Variants in NEO1 observed in about 807,000 individuals in gnomAD.
NEO1 encodes the protein neogenin.
In NEO1, 63 loss-of-function variants were observed where a neutral mutation model predicts 159.7. That is an observed-to-expected ratio of 0.39 (90% CI 0.32 to 0.49). The LOEUF is 0.49. Ranked by LOEUF, NEO1 falls within the 20% of genes least tolerant of loss-of-function variation. The pLI is 0.85. For missense variants in NEO1, 1,615 were observed against 1,831.0 expected (o/e 0.88, Z 2.15); for synonymous variants, 633 against 662.0 (o/e 0.96, Z 0.67).
chr15:73,151,999 C>T (rs955153490), intron 5 of NEO1, among the ~76,000 whole-genome samples: 3 of 152,064 alleles, frequency 2.0e-5, no homozygotes, highest in South Asian at 2.1e-4. Context: ...ATTGAATTTG[C>T]CTATTGTATT....
In NEO1 at chr15:73,283,059, G is replaced by A; in HGVS notation, c.3358G>A (p.Val1120Ile). Residue 1120 changes from valine (V) to isoleucine (I), a missense_variant, in exon 23 of 29, where the codon GTT becomes ATT. By Grantham distance (29) the Val-to-Ile change is conservative. Transcript: ENST00000261908. The part of the protein sequence containing the change: ...VSVGVITIVV[V>I]VIIAVFCTRR... ...TGTTGGCGTCATCACCATCGTGGTGGTTGTGATTATCGCTGTCTTTTGTAC... is the reference window on the plus strand; with the variant it reads ...TGTTGGCGTCATCACCATCGTGGTGATTGTGATTATCGCTGTCTTTTGTAC... The A allele has an allele frequency of 6.2e-7, 1 of 1,614,182 alleles. No homozygotes were observed. Among genetic ancestry groups the A allele is most frequent in the Non-Finnish European group, 8.5e-7 (1 of 1,180,048 alleles).
At position 73,260,261 on chromosome 15, in the gene NEO1, T is replaced by A. The variant is rs760334002; in HGVS notation, c.2204-10T>A. 5.0e-6 allele frequency: 8 copies of A among 1,609,670 alleles called. No homozygotes were observed. The East Asian group carries it at 1.6e-4, about 31-fold the overall frequency. ...ATATCTCATCTTGCTTTTCCACTTTTCCTTCCCAGAAACTCGTGTTCCTGA... is the reference window on the plus strand; with the variant it reads ...ATATCTCATCTTGCTTTTCCACTTTACCTTCCCAGAAACTCGTGTTCCTGA... On this transcript the variant is annotated splice_polypyrimidine_tract_variant and intron_variant, in intron 14 of 28. Coordinates refer to ENST00000261908, the MANE Select transcript of NEO1 (RefSeq NM_002499.4).
chr15:73,288,799 A>G (rs959466010), intron 24 of NEO1, among the ~76,000 whole-genome samples: 13 of 152,026 alleles, frequency 8.6e-5, no homozygotes, highest in Non-Finnish European at 1.8e-4. Flanking sequence ...CAGCAGCGTG[A>G]TATTCAAGGA....
chr15:73,142,920 GACTT>G, intron 5 of NEO1, among the ~76,000 whole-genome samples: 1 of 152,208 alleles, frequency 6.6e-6, no homozygotes, highest in African/African-American at 2.4e-5. Context: ...TTTGACCATA[GACTT>G]ACTTGGAAAC....
intron 1 of NEO1, among the ~76,000 whole-genome samples, chr15:73,074,099 T>G (rs2151332033): frequency 6.6e-6 from 1 of 152,348 alleles, no homozygotes; most frequent in East Asian, 1.9e-4. Flanking sequence ...AAGCTTTTTC[T>G]TTAATTAAGT....
At chr15:73,075,352 T>C (rs988440021) in intron 1 of NEO1, among the ~76,000 whole-genome samples, 14 of 152,302 alleles carry the variant, frequency 9.2e-5, no homozygotes, top group Middle Eastern at 3.4e-3. Context: ...TTGCATAATA[T>C]AGCTTTTGCC....
At chr15:73,165,107 T>C (rs959152633) in intron 5 of NEO1, among the ~76,000 whole-genome samples, 2 of 151,284 alleles carry the variant, frequency 1.3e-5, no homozygotes, top group South Asian at 4.2e-4. Context: ...TTTTTTTTTT[T>C]TTTTTTGTAG....
At chr15:73,242,954 C>T (rs2039569220) in intron 8 of NEO1, among the ~76,000 whole-genome samples, 1 of 152,222 alleles carries the variant, frequency 6.6e-6, no homozygotes, top group Admixed American at 6.5e-5. Flanking sequence ...ATCAGCTGTA[C>T]TTCCCTTTAA....
intron 23 of NEO1, among the ~76,000 whole-genome samples, chr15:73,283,504 G>T (rs2041815050): frequency 6.6e-6 from 1 of 152,198 alleles, no homozygotes; most frequent in Non-Finnish European, 1.5e-5. Context: ...CTAGAGGCAT[G>T]CAGCCATTGC....
chr15:73,273,773 G>A (rs753666420), intron 19 of NEO1, 38 bp from the exon 20 acceptor site: 2 of 1,519,484 alleles, frequency 1.3e-6, no homozygotes, highest in Admixed American at 3.7e-5. Flanking sequence ...AGGAAAAGCA[G>A]GAGTGAGATT....
At chr15:73,281,428 G>A (rs2041707724) in intron 22 of NEO1, among the ~76,000 whole-genome samples, 1 of 151,458 alleles carries the variant, frequency 6.6e-6, no homozygotes, top group South Asian at 2.1e-4. Context: ...TAATTTTTTT[G>A]AATTTTTTAT....
At chr15:73,236,992 T>C (rs747872) in intron 8 of NEO1, among the ~76,000 whole-genome samples, 60,968 of 152,078 alleles carry the variant, frequency 0.4, 13,783 homozygotes, top group Admixed American at 0.51. Context: ...ACATTGCTCA[T>C]AGGGGAAGAT....
intron 7 of NEO1, among the ~76,000 whole-genome samples, chr15:73,191,369 G>A (rs1262881749): frequency 6.6e-6 from 1 of 151,362 alleles, no homozygotes; most frequent in Non-Finnish European, 1.5e-5. Context: ...ACAGAGTATC[G>A]ATGAGAATTC....
At chr15:73,158,901 T>A (rs1440254765) in intron 5 of NEO1, among the ~76,000 whole-genome samples, 1 of 152,142 alleles carries the variant, frequency 6.6e-6, no homozygotes, top group Non-Finnish European at 1.5e-5. Flanking sequence ...TCTTAGAGAT[T>A]GTCATCATCA....
At position 73,087,456 on chromosome 15, in the gene NEO1, TGTA is replaced by T. The variant is rs201817958; in HGVS notation, c.131-29081_131-29079del. Among the ~76,000 whole-genome samples, 3 of 152,338 alleles carry T rather than the reference TGTA, an allele frequency of 2.0e-5. No individual in the cohort carries two copies. In the East Asian group the frequency reaches 5.8e-4, roughly 29 times the overall value. ...TCTTTGTTCATGAGGAATATTGGTT[TGTA>T]GTTTTCTTGTACTGTCTTTGTCTGG... On this transcript the variant is annotated intron_variant, in intron 1 of 28. Coordinates refer to ENST00000261908, the MANE Select transcript of NEO1 (RefSeq NM_002499.4).
Position 73,217,809 on chromosome 15 carries a change from G to C in NEO1, c.1292-18538G>C, listed in dbSNP as rs560449681. On this transcript the variant is annotated intron_variant, in intron 7 of 28. Transcript: ENST00000261908. ...GAGACTTTGCTGAAGTTGCTTATCA[G>C]CTTAAGGAGATTTTGGGTTGAGACA... 1.3e-3 allele frequency among the ~76,000 whole-genome samples: 202 copies of C among 152,284 alleles called. 1 individual carries two copies. The highest frequency in any genetic ancestry group is 4.6e-3 in the African/African-American group (190 of 41,558).
intron 4 of NEO1, 94 bp from the exon 5 acceptor site, chr15:73,135,797 T>C: frequency 8.9e-7 from 1 of 1,119,370 alleles, no homozygotes; most frequent in Non-Finnish European, 1.2e-6. Context: ...ATAATACTCT[T>C]TAAGTGTTTT....
chr15:73,303,463 C>G lies in NEO1; in HGVS notation c.*767C>G, dbSNP rs535528795. ...ATTGAAAAGACTTGTTTGTTGCTTT[C>G]TGTGCAGTTTCAGTATTGGGGCGGG... On this transcript the variant is annotated 3_prime_UTR_variant, in exon 29 of 29. Coordinates refer to ENST00000261908, the MANE Select transcript of NEO1 (RefSeq NM_002499.4). 27 of 134,202 alleles carry G rather than the reference C, an allele frequency of 2.0e-4. No homozygotes were observed. Among genetic ancestry groups the G allele is most frequent in the African/African-American group, 6.5e-4 (23 of 35,166 alleles). The allele number at this position is 134,202 out of a possible 1,614,324, so 8.3% of individuals were successfully genotyped here. A position where few individuals can be genotyped will look rare whatever the true frequency, so the allele number is the denominator to read the frequency against.
intron 7 of NEO1, among the ~76,000 whole-genome samples, chr15:73,206,822 C>CGT (rs779357797): frequency 5.6e-4 from 57 of 102,340 alleles, no homozygotes; most frequent in African/African-American, 1.5e-3. Flanking sequence ...TTTTCTTTTT[C>CGT]GTGTGTGTGT....
Sources: gnomAD v4.1 joint callset for allele counts (sites outside exome capture counted in the v4.1 genomes callset) on GRCh38, gnomAD v4.1.1 for gene constraint, MANE v1.5 for transcripts, NCBI Gene and HGNC (gene_info 2026-07-23, HGNC 2026-07-21) for gene names.